LIMS1: variants seen among roughly 807,000 people sequenced by gnomAD.
LIMS1 encodes LIM zinc finger domain containing 1.
Under a neutral mutation model 44.1 loss-of-function variants are expected in LIMS1, and 18 were observed. The observed-to-expected ratio is 0.41, with a 90% CI of 0.28 to 0.61. The LOEUF (loss-of-function observed/expected upper bound fraction) is 0.61, where lower values mean the gene tolerates loss of function less well. LIMS1 is among the 20% of genes least tolerant of loss of function. The pLI, the probability that LIMS1 is intolerant of heterozygous loss-of-function variation, is 0.32. For missense variants in LIMS1, 201 were observed against 422.0 expected (o/e 0.48, Z 4.59); for synonymous variants, 93 against 149.1 (o/e 0.62, Z 2.74).
intron 1 of LIMS1, among the ~76,000 whole-genome samples, chr2:108,613,998 C>G (rs914951053): frequency 7.9e-5 from 12 of 152,072 alleles, no homozygotes; most frequent in Admixed American, 3.9e-4. Context: ...CTGCAGGCTC[C>G]ACGAGGCCAC....
intron 1 of LIMS1, among the ~76,000 whole-genome samples, chr2:108,593,878 T>C (rs968778139): frequency 1.3e-5 from 2 of 152,242 alleles, no homozygotes; most frequent in African/African-American, 4.8e-5. Flanking sequence ...TTTATTTTAC[T>C]TATTTCTAGG....
upstream of LIMS1, chr2:108,533,890 A>G (rs955336035): frequency 1.3e-5 from 2 of 152,970 alleles, no homozygotes; most frequent in African/African-American, 4.8e-5. Flanking sequence ...ACCGATCCAG[A>G]CCAGGTCCTC....
chr2:108,537,129 A>G (rs1489538175), intron 1 of LIMS1, among the ~76,000 whole-genome samples: 1 of 152,202 alleles, frequency 6.6e-6, no homozygotes, highest in Non-Finnish European at 1.5e-5. Context: ...CAGCAGTTGT[A>G]CCGACTGTTG....
chr2:108,573,862 G>C (rs143717591), intron 1 of LIMS1, among the ~76,000 whole-genome samples: 187 of 152,320 alleles, frequency 1.2e-3, no homozygotes, highest in African/African-American at 4.4e-3. Flanking sequence ...CCAAGATCAG[G>C]CTGAGGAAGA....
rs530368383 is a variant in LIMS1, at chr2:108,654,155, C to G, written c.33-5450C>G. Among the ~76,000 whole-genome samples the G allele has an allele frequency of 5.7e-4, 87 of 151,730 alleles. 1 individual carries two copies. The South Asian group carries it at 0.017, about 29-fold the overall frequency. ...TAAAACAGGAGGCAAGTTTGCCTGA[C>G]GTAGTTTCCAGCTTGACTTTTTCCT... On this transcript the variant is annotated intron_variant, in intron 1 of 9. Transcript: ENST00000544547.
intron 7 of LIMS1, chr2:108,677,538 A>C: frequency 5.9e-6 from 1 of 168,778 alleles, no homozygotes; most frequent in South Asian, 1.6e-4. Context: ...TGACCATGGA[A>C]ATGTCCTGTT....
intron 1 of LIMS1, among the ~76,000 whole-genome samples, chr2:108,544,207 G>C (rs528804694): frequency 6.6e-6 from 1 of 152,334 alleles, no homozygotes; most frequent in South Asian, 2.1e-4. Context: ...AGGTAGAGGT[G>C]TATTGGTCAT....
intron 1 of LIMS1, among the ~76,000 whole-genome samples, chr2:108,572,401 G>A (rs1478812857): frequency 4.7e-4 from 11 of 23,642 alleles, no homozygotes; most frequent in African/African-American, 1.7e-3. Context: ...TTTTTTTTTT[G>A]AGGCAGAGTC....
At chr2:108,647,550 A>G (rs1690159581) in intron 1 of LIMS1, among the ~76,000 whole-genome samples, 1 of 152,258 alleles carries the variant, frequency 6.6e-6, no homozygotes. Context: ...ATGAACATCA[A>G]TGCGAAAATC....
chr2:108,585,008 G>A (rs1686037579), intron 1 of LIMS1, among the ~76,000 whole-genome samples: 1 of 151,830 alleles, frequency 6.6e-6, no homozygotes, highest in South Asian at 2.1e-4. Context: ...AAAATTAGCC[G>A]AGCGTGGTGG....
At chr2:108,667,538 T>TAAAAAA (rs546617468) in intron 2 of LIMS1, among the ~76,000 whole-genome samples, 16 of 128,548 alleles carry the variant, frequency 1.2e-4, no homozygotes, top group Non-Finnish European at 2.3e-4. Context: ...CAACCTTTTT[T>TAAAAAA]AAAAAAAAAA....
At chr2:108,671,430 TAACAC>T (rs1261050024) in intron 3 of LIMS1, among the ~76,000 whole-genome samples, 1 of 152,172 alleles carries the variant, frequency 6.6e-6, no homozygotes, top group East Asian at 1.9e-4. Flanking sequence ...TTTCCTGTGT[TAACAC>T]AACCTTTACC....
chr2:108,593,854 A>C (rs1214257275), intron 1 of LIMS1, among the ~76,000 whole-genome samples: 1 of 152,246 alleles, frequency 6.6e-6, no homozygotes, highest in East Asian at 1.9e-4. Context: ...AGTAATTAAA[A>C]GTCAACATTC....
intron 1 of LIMS1, among the ~76,000 whole-genome samples, chr2:108,562,760 A>G (rs1257964800): frequency 6.6e-6 from 1 of 152,258 alleles, no homozygotes; most frequent in Non-Finnish European, 1.5e-5. Flanking sequence ...TAATTAATGA[A>G]GGTGGCTACA....
At chr2:108,639,790 A>G (rs1159421452) in intron 1 of LIMS1, among the ~76,000 whole-genome samples, 2 of 152,162 alleles carry the variant, frequency 1.3e-5, no homozygotes, top group Non-Finnish European at 2.9e-5. Flanking sequence ...TCAAAATGTT[A>G]AAGTACTTGT....
chr2:108,642,576 G>A (rs1200006260), intron 1 of LIMS1, among the ~76,000 whole-genome samples: 2 of 151,972 alleles, frequency 1.3e-5, no homozygotes, highest in East Asian at 1.9e-4. Flanking sequence ...AGCCAGGATG[G>A]TCTCGATCTC....
intron 2 of LIMS1, among the ~76,000 whole-genome samples, chr2:108,670,122 G>A (rs1254528400): frequency 1.3e-5 from 2 of 151,696 alleles, no homozygotes; most frequent in African/African-American, 4.8e-5. Flanking sequence ...AATGAAAACA[G>A]TTCAAGAAAT....
intron 1 of LIMS1, among the ~76,000 whole-genome samples, chr2:108,628,092 T>G (rs1302611228): frequency 6.6e-6 from 1 of 152,246 alleles, no homozygotes; most frequent in Non-Finnish European, 1.5e-5. Context: ...TGAGTGTTCT[T>G]GACTTGCAGG....
At chr2:108,586,450 T>C (rs1040233857) in intron 1 of LIMS1, among the ~76,000 whole-genome samples, 1 of 152,244 alleles carries the variant, frequency 6.6e-6, no homozygotes. Flanking sequence ...TGGGAGGTAG[T>C]TGAAAGAGAA....
Sources: gnomAD v4.1 joint callset for allele counts (sites outside exome capture counted in the v4.1 genomes callset) on GRCh38, gnomAD v4.1.1 for gene constraint, MANE v1.5 for transcripts, NCBI Gene and HGNC (gene_info 2026-07-23, HGNC 2026-07-21) for gene names.